The following TCF3 variants were observed in gnomAD, a reference collection of about 807,000 sequenced individuals.
TCF3 encodes the protein transcription factor 3, also known as transcription factor E2-alpha.
Under a neutral mutation model 72.3 loss-of-function variants are expected in TCF3, and 54 were observed. The ratio of observed to expected loss-of-function variants is 0.75; its 90% confidence interval spans 0.60 to 0.94. The LOEUF (loss-of-function observed/expected upper bound fraction) is 0.94. Ranked by LOEUF, TCF3 falls within the 40% of genes least tolerant of loss-of-function variation. The probability of loss-of-function intolerance (pLI) is 0.00; values close to 1 mark genes in which losing one functional copy is unlikely to be tolerated. For synonymous variants in TCF3, 525 were observed against 412.6 expected (o/e 1.27, Z -3.30); for missense variants, 1,078 against 934.4 (o/e 1.15, Z -2.00).
Position 1,611,109 on chromosome 19 carries a change from A to C in TCF3, c.*598T>G. 1 of 233,698 alleles carries C rather than the reference A, an allele frequency of 4.3e-6. No individual in the cohort carries two copies. Among genetic ancestry groups the C allele is most frequent in the Non-Finnish European group, 8.4e-6 (1 of 118,500 alleles). 14.5% of individuals were successfully genotyped at this position (233,698 alleles called of 1,614,324 possible). A position where few individuals can be genotyped will look rare whatever the true frequency, so the allele number is the denominator to read the frequency against. On this transcript the variant is annotated 3_prime_UTR_variant, in exon 19 of 19. Coordinates refer to ENST00000262965, the MANE Select transcript of TCF3 (RefSeq NM_003200.5). ...AAACATATGCAAAAAAAGCTTAAAA[A>C]AACCAGAGACCAAAGGCAGCATCCT...
At chr19:1,623,410 G>C (rs2062495541) in intron 8 of TCF3, among the ~76,000 whole-genome samples, 1 of 143,434 alleles carries the variant, frequency 7.0e-6, no homozygotes, top group Non-Finnish European at 1.5e-5. Flanking sequence ...TTGAGACAGA[G>C]TCTCACTCTG....
chr19:1,616,180 T>G (rs1399448556), intron 16 of TCF3, among the ~76,000 whole-genome samples: 3 of 152,060 alleles, frequency 2.0e-5, no homozygotes, highest in Non-Finnish European at 4.4e-5. Flanking sequence ...TATGGAACAC[T>G]TCGGATGGGC....
intron 14 of TCF3, 74 bp from the exon 15 acceptor site, chr19:1,619,548 G>T (rs150863839): frequency 6.7e-7 from 1 of 1,501,156 alleles, no homozygotes; most frequent in African/African-American, 1.4e-5. Context: ...TGTCCCTTCC[G>T]CATGCAAGTG....
chr19:1,651,776 C>G (rs1204456555), intron 1 of TCF3, among the ~76,000 whole-genome samples: 1 of 151,752 alleles, frequency 6.6e-6, no homozygotes, highest in Non-Finnish European at 1.5e-5. Flanking sequence ...CCCGCATTAA[C>G]GCGGAGCAGA....
chr19:1,635,389 C>G (rs2064255698), intron 3 of TCF3, among the ~76,000 whole-genome samples: 1 of 152,040 alleles, frequency 6.6e-6, no homozygotes, highest in Admixed American at 6.6e-5. Context: ...AAACTTGGCT[C>G]TTCTCCCTCC....
At chr19:1,632,710 C>T (rs760334873) in intron 3 of TCF3, among the ~76,000 whole-genome samples, 9 of 152,206 alleles carry the variant, frequency 5.9e-5, no homozygotes, top group Non-Finnish European at 8.8e-5. Context: ...AAAGACCTCA[C>T]TCTCACGCCG....
intron 6 of TCF3, among the ~76,000 whole-genome samples, chr19:1,626,891 C>T (rs941040433): frequency 1.3e-5 from 2 of 151,984 alleles, no homozygotes; most frequent in Admixed American, 1.3e-4. Flanking sequence ...AGATGAAGTC[C>T]TGGGGTGAGG....
intron 13 of TCF3, 148 bp from the exon 14 acceptor site, chr19:1,620,001 C>T (rs2061996574): frequency 4.3e-6 from 3 of 698,502 alleles, no homozygotes; most frequent in Admixed American, 2.7e-5. Flanking sequence ...CACACTGATG[C>T]AAAGCTGCTC....
intron 2 of TCF3, 82 bp downstream of exon 2, chr19:1,650,095 A>G (rs2066775262): frequency 7.4e-7 from 1 of 1,353,028 alleles, no homozygotes; most frequent in Non-Finnish European, 1.0e-6. Flanking sequence ...TGAAGTATTC[A>G]GCAAACACTC....
Position 1,614,676 on chromosome 19 carries a change from CCGCCAG to C in TCF3, c.1822+603_1822+608del, listed in dbSNP as rs2061372622. Reference sequence around the variant, plus strand: ...GGAAAGGAAGGAGTTAAGGAAGCAGCCGCCAGCGCCAGCGGGGGGAAGGAGTCAGCT... The same window carrying C: ...GGAAAGGAAGGAGTTAAGGAAGCAGCCGCCAGCGGGGGGAAGGAGTCAGCT... On this transcript the variant is annotated intron_variant, in intron 18 of 18. Transcript: ENST00000262965. This position sits in a 1 kb window ranked among gnomAD's most constrained non-coding sequence, Gnocchi z 5.6. Among the ~76,000 whole-genome samples, 3 of 152,126 alleles carry C rather than the reference CCGCCAG, an allele frequency of 2.0e-5. No individual in the cohort carries two copies. The South Asian group carries it at 6.2e-4, about 31-fold the overall frequency.
chr19:1,632,163 C>G (rs886740376), intron 4 of TCF3, 47 bp from the exon 5 acceptor site: 2 of 1,588,044 alleles, frequency 1.3e-6, no homozygotes, highest in African/African-American at 1.3e-5. Context: ...CTTCACAGGC[C>G]CCCCCTCCAC....
At chr19:1,632,307 T>A (rs1476744761) in intron 4 of TCF3, 25 bp downstream of exon 4, 4 of 1,568,630 alleles carry the variant, frequency 2.6e-6, no homozygotes, top group Non-Finnish European at 2.6e-6. Context: ...AAACTCAGGG[T>A]CTCAGGCCTC....
intron 2 of TCF3, among the ~76,000 whole-genome samples, chr19:1,649,836 G>C (rs1235223970): frequency 6.6e-6 from 1 of 152,196 alleles, no homozygotes; most frequent in Non-Finnish European, 1.5e-5. Flanking sequence ...AAGCGACCCT[G>C]ATCAGGCCCA....
In TCF3 at chr19:1,650,396, G is replaced by A. The variant is rs1022482340; in HGVS notation, c.-39-109C>T. On this transcript the variant is annotated intron_variant, in intron 1 of 18. Transcript: ENST00000262965. ...AAAGCCACCTAAAAAACCCTCAACCGCCCTGGGGTCTGAGTTCCAGCAGAG... is the reference window on the plus strand; with the variant it reads ...AAAGCCACCTAAAAAACCCTCAACCACCCTGGGGTCTGAGTTCCAGCAGAG... The A allele has an allele frequency of 3.8e-6, 3 of 799,222 alleles. No individual in the cohort carries two copies. The South Asian group carries it at 5.4e-5, about 14-fold the overall frequency. 49.5% of individuals were successfully genotyped at this position (799,222 alleles called of 1,614,324 possible).
intron 18 of TCF3, among the ~76,000 whole-genome samples, chr19:1,612,718 TGTGG>T (rs2061147097): frequency 7.3e-6 from 1 of 137,790 alleles, no homozygotes; most frequent in Non-Finnish European, 1.6e-5. Flanking sequence ...ACACGGCTGG[TGTGG>T]GTGTGGGCAG....
intron 7 of TCF3, 41 bp downstream of exon 7, chr19:1,625,535 C>T: frequency 2.0e-6 from 3 of 1,520,592 alleles, no homozygotes; most frequent in Non-Finnish European, 2.6e-6. Context: ...TTGCAGGCTC[C>T]CTCCCAGAAG....
In TCF3 at chr19:1,614,521, G is replaced by A. The variant is rs1280955398; in HGVS notation, c.1822+764C>T. Among the ~76,000 whole-genome samples, 13 of 152,258 alleles carry A rather than the reference G, an allele frequency of 8.5e-5. No individual in the cohort carries two copies. Among genetic ancestry groups the A allele is most frequent in the African/African-American group, 2.4e-5 (1 of 41,560 alleles). On this transcript the variant is annotated intron_variant, in intron 18 of 18. Coordinates refer to ENST00000262965, the MANE Select transcript of TCF3 (RefSeq NM_003200.5). This position sits in a 1 kb window ranked among gnomAD's most constrained non-coding sequence, Gnocchi z 5.6. ...GAGGCGGGCTTGGGGGGCGCGAGGCGTGCCACACACGGCTGCAGAGACTCG... is the reference window on the plus strand; with the variant it reads ...GAGGCGGGCTTGGGGGGCGCGAGGCATGCCACACACGGCTGCAGAGACTCG...
At position 1,611,718 on chromosome 19, in the gene TCF3, C is replaced by T. The variant is rs755856969; in HGVS notation, c.1954G>A (p.Gly652Arg). 8.7e-6 allele frequency: 14 copies of T among 1,613,040 alleles called. No homozygotes were observed. Among genetic ancestry groups the T allele is most frequent in the Non-Finnish European group, 1.2e-5 (14 of 1,179,672 alleles). The change falls in exon 19 of 19, where the codon GGG (glycine) becomes AGG (arginine). Residue 652 changes from glycine to arginine, a missense_variant. Transcript: ENST00000262965. Reference protein sequence around the residue: ...PGLSEAHNPAGHM With the variant: ...PGLSEAHNPARHM ...CGGAGGCATACCTTTCACATGTGCCCGGCGGGGTTGTGGGCTTCGCTCAGG... is the reference window on the plus strand; with the variant it reads ...CGGAGGCATACCTTTCACATGTGCCTGGCGGGGTTGTGGGCTTCGCTCAGG...
chr19:1,617,751 C>T (rs1230200110), intron 16 of TCF3, among the ~76,000 whole-genome samples: 3 of 152,224 alleles, frequency 2.0e-5, no homozygotes. Context: ...TTGGGGCTGC[C>T]CCTGGAAACT....
Sources: gnomAD v4.1 joint callset for allele counts (sites outside exome capture counted in the v4.1 genomes callset) on GRCh38, gnomAD v4.1.1 for gene constraint, Gnocchi (gnomAD v3.1) non-coding constraint, MANE v1.5 for transcripts, NCBI Gene and HGNC (gene_info 2026-07-23, HGNC 2026-07-21) for gene names.